PAPPA2: variants seen among roughly 807,000 people sequenced by gnomAD.
The protein encoded by PAPPA2 is pappalysin-2.
A neutral mutation model predicts 176.4 loss-of-function variants in PAPPA2; 86 were observed. That is an observed-to-expected ratio of 0.49 (90% CI 0.41 to 0.58). PAPPA2 has a LOEUF of 0.58. Ranked by LOEUF, PAPPA2 falls within the 20% of genes least tolerant of loss-of-function variation. The pLI is 0.00. For synonymous variants in PAPPA2, 809 were observed against 852.2 expected, an observed-to-expected ratio of 0.95 and a Z score of 0.88; for missense variants, 2,073 against 2,256.9, an observed-to-expected ratio of 0.92 and a Z score of 1.65.
intron 2 of PAPPA2, among the ~76,000 whole-genome samples, chr1:176,569,305 T>G (rs1196909219): frequency 1.3e-5 from 2 of 152,224 alleles, no homozygotes; most frequent in Non-Finnish European, 2.9e-5. Flanking sequence ...CTCTAGCCCC[T>G]GATGTCTGTC....
In PAPPA2 at chr1:176,620,252, G is replaced by A. The variant is rs140136022; in HGVS notation, c.1991+24657G>A. On this transcript the variant is annotated intron_variant, in intron 3 of 22. Coordinates refer to ENST00000367662, the MANE Select transcript of PAPPA2 (RefSeq NM_020318.3). ...CCCACCTCCTAATGACCATCACCTTGGGCATTAGGATTTCAATATATACAT... is the reference window on the plus strand; with the variant it reads ...CCCACCTCCTAATGACCATCACCTTAGGCATTAGGATTTCAATATATACAT... 4.6e-5 allele frequency among the ~76,000 whole-genome samples: 7 copies of A among 152,150 alleles called. No individual in the cohort carries two copies. The East Asian group carries it at 1.4e-3, about 29-fold the overall frequency.
intron 3 of PAPPA2, among the ~76,000 whole-genome samples, chr1:176,620,111 C>G (rs1006581483): frequency 6.6e-6 from 1 of 152,190 alleles, no homozygotes; most frequent in African/African-American, 2.4e-5. Context: ...CTTTCTGGCT[C>G]ACAGATGGCA....
chr1:176,736,225 C>A (rs554694095), intron 12 of PAPPA2, among the ~76,000 whole-genome samples: 1 of 152,030 alleles, frequency 6.6e-6, no homozygotes, highest in South Asian at 2.1e-4. Context: ...GTGACACAGG[C>A]ATACAGCTTC....
intron 21 of PAPPA2, 80 bp from the exon 22 acceptor site, chr1:176,840,093 C>T (rs1051092673): frequency 9.8e-6 from 11 of 1,127,506 alleles, no homozygotes; most frequent in South Asian, 5.2e-5. Context: ...GTATGGATTA[C>T]GCTGGGATGG....
chr1:176,469,762 C>T (rs1266227110), intron 1 of PAPPA2, among the ~76,000 whole-genome samples: 1 of 152,170 alleles, frequency 6.6e-6, no homozygotes, highest in Non-Finnish European at 1.5e-5. Context: ...ACCCCTGCTC[C>T]CTCCTTAGGG....
intron 3 of PAPPA2, among the ~76,000 whole-genome samples, chr1:176,630,243 T>C (rs1246092121): frequency 6.6e-6 from 1 of 152,114 alleles, no homozygotes; most frequent in East Asian, 1.9e-4. Context: ...GAAACTTACG[T>C]AGGTAGTAAA....
At chr1:176,557,713 G>A (rs776973254) in intron 2 of PAPPA2, among the ~76,000 whole-genome samples, 2 of 152,174 alleles carry the variant, frequency 1.3e-5, no homozygotes, top group Admixed American at 6.5e-5. Context: ...GTACACAGCC[G>A]TCAGGTCCTG....
chr1:176,573,389 A>G (rs926249775), intron 2 of PAPPA2, among the ~76,000 whole-genome samples: 1 of 152,192 alleles, frequency 6.6e-6, no homozygotes, highest in African/African-American at 2.4e-5. Flanking sequence ...CTAGATGCCC[A>G]TTATGGAAAC....
At chr1:176,714,143 A>T (rs1033498157) in intron 12 of PAPPA2, among the ~76,000 whole-genome samples, 11 of 151,866 alleles carry the variant, frequency 7.2e-5, no homozygotes, top group Admixed American at 7.2e-4. Flanking sequence ...AAAAGGGAAA[A>T]CGTAAACTGA....
chr1:176,797,485 T>TA (rs1158117017), intron 20 of PAPPA2, among the ~76,000 whole-genome samples: 1 of 151,868 alleles, frequency 6.6e-6, no homozygotes, highest in Non-Finnish European at 1.5e-5. Flanking sequence ...CTCTATAAAA[T>TA]AAAAATTTTT....
rs1653921260 is a variant in PAPPA2 at position 176,595,429 on chromosome 1, G to A, written c.1825G>A (p.Gly609Arg). ...ECEHPLTGYD[G>R]GDCRLQGRCY... The stretch of plus-strand genomic sequence containing the variant: ...TGAGCACCCACTCACAGGCTATGAT[G>A]GGGGTGACTGCCGCCTGCAGGGCCG... The change falls in exon 3 of 23, where the codon GGG becomes AGG. Residue 609 changes from glycine (G) to arginine (R), a missense_variant. Gly to Arg is a moderately radical substitution (Grantham distance 125). Coordinates refer to ENST00000367662, the MANE Select transcript of PAPPA2 (RefSeq NM_020318.3). 5 of 1,614,108 alleles carry A rather than the reference G, an allele frequency of 3.1e-6. No homozygotes were observed. The highest frequency in any genetic ancestry group is 1.3e-5 in the African/African-American group (1 of 74,942).
At chr1:176,734,012 A>G (rs936642005) in intron 12 of PAPPA2, among the ~76,000 whole-genome samples, 2 of 152,070 alleles carry the variant, frequency 1.3e-5, no homozygotes, top group African/African-American at 4.8e-5. Flanking sequence ...GTCCTTGTAT[A>G]GAGAGGTTTT....
chr1:176,641,181 G>T (rs1657066591), intron 3 of PAPPA2, among the ~76,000 whole-genome samples: 1 of 151,626 alleles, frequency 6.6e-6, no homozygotes, highest in Non-Finnish European at 1.5e-5. Context: ...CTGTGCAGAA[G>T]CTCTTTAGTT....
intron 1 of PAPPA2, among the ~76,000 whole-genome samples, chr1:176,546,133 G>A (rs899800707): frequency 2.0e-5 from 3 of 152,168 alleles, no homozygotes; most frequent in Admixed American, 6.5e-5. Context: ...TACTTTAAAT[G>A]ATAAAACATG....
At chr1:176,528,302 C>T (rs1055263163) in intron 1 of PAPPA2, among the ~76,000 whole-genome samples, 2 of 152,172 alleles carry the variant, frequency 1.3e-5, no homozygotes, top group East Asian at 3.9e-4. Flanking sequence ...GAGGGCAGCT[C>T]ATCCCCTGAT....
At chr1:176,654,482 C>A (rs1053516106) in intron 3 of PAPPA2, among the ~76,000 whole-genome samples, 1 of 149,362 alleles carries the variant, frequency 6.7e-6, no homozygotes, top group Non-Finnish European at 1.5e-5. Context: ...ATTTTGGTTA[C>A]CATAGCCTTG....
intron 1 of PAPPA2, among the ~76,000 whole-genome samples, chr1:176,474,935 T>C (rs901709907): frequency 6.6e-6 from 1 of 152,198 alleles, no homozygotes; most frequent in Non-Finnish European, 1.5e-5. Context: ...CATATAAAAT[T>C]GTATGTACAG....
intron 12 of PAPPA2, among the ~76,000 whole-genome samples, chr1:176,737,069 AT>A (rs540491298): frequency 1.0e-4 from 15 of 149,942 alleles, no homozygotes; most frequent in East Asian, 3.9e-4. Flanking sequence ...AAATACACTA[AT>A]TTTTTTTTTG....
At chr1:176,754,417 A>G (rs904872257) in intron 14 of PAPPA2, among the ~76,000 whole-genome samples, 11 of 152,270 alleles carry the variant, frequency 7.2e-5, no homozygotes, top group African/African-American at 2.4e-5. Context: ...GTAAATAACT[A>G]TATACTAGAA....
Sources: gnomAD v4.1 joint callset for allele counts (sites outside exome capture counted in the v4.1 genomes callset) on GRCh38, gnomAD v4.1.1 for gene constraint, MANE v1.5 for transcripts, NCBI Gene and HGNC (gene_info 2026-07-23, HGNC 2026-07-21) for gene names.